Variants in KIF19 observed in about 807,000 individuals in gnomAD.
The protein encoded by KIF19 is kinesin-like protein KIF19.
KIF19 carries 98 observed loss-of-function variants against 106.6 expected under a neutral mutation model. That is an observed-to-expected ratio of 0.92 (90% CI 0.78 to 1.09). The LOEUF (loss-of-function observed/expected upper bound fraction) is 1.09, where lower values mean the gene tolerates loss of function less well. KIF19 is among the 50% of genes least tolerant of loss of function. KIF19 has a pLI of 0.00. For synonymous variants in KIF19, 516 were observed against 584.2 expected (o/e 0.88, Z 1.68); for missense variants, 1,373 against 1,414.3 (o/e 0.97, Z 0.47).
intron 2 of KIF19, among the ~76,000 whole-genome samples, chr17:74,335,553 G>A (rs749567056): frequency 3.9e-5 from 6 of 152,358 alleles, no homozygotes; most frequent in Admixed American, 1.3e-4. Flanking sequence ...CTCCGACTCC[G>A]TCTGGAACTC....
chr17:74,347,511 T>C (rs2054568171), intron 8 of KIF19, among the ~76,000 whole-genome samples: 1 of 146,882 alleles, frequency 6.8e-6, no homozygotes, highest in Non-Finnish European at 1.5e-5. Context: ...CACTCCAGCC[T>C]GGATGACAGA....
At chr17:74,339,728 AC>A (rs1010263566) in intron 2 of KIF19, among the ~76,000 whole-genome samples, 34 of 152,168 alleles carry the variant, frequency 2.2e-4, no homozygotes, top group African/African-American at 7.7e-4. Flanking sequence ...ACAAGCCAGG[AC>A]CCCAGGGAGC....
chr17:74,331,927 T>C lies in KIF19; in HGVS notation c.120+3422T>C, dbSNP rs1359880454. ...CCAGTTGCCTTGGAAGGCCAGTGATTCCAGGACCCCGTTCAATTCCATTAG... is the reference window on the plus strand; with the variant it reads ...CCAGTTGCCTTGGAAGGCCAGTGATCCCAGGACCCCGTTCAATTCCATTAG... On this transcript the variant is annotated intron_variant, in intron 2 of 19. Transcript: ENST00000389916. This position sits in a 1 kb window ranked among gnomAD's most constrained non-coding sequence, Gnocchi z 4.1. 6.6e-6 allele frequency among the ~76,000 whole-genome samples: 1 copy of C among 152,118 alleles called. No individual in the cohort carries two copies. The highest frequency in any genetic ancestry group is 6.5e-5 in the Admixed American group (1 of 15,274).
chr17:74,326,410 C>T (rs2053908582), intron 1 of KIF19, 22 bp downstream of exon 1: 1 of 1,609,870 alleles, frequency 6.2e-7, no homozygotes, highest in Non-Finnish European at 8.5e-7. Flanking sequence ...TTAGACCCTC[C>T]TCCCCACCCC....
At chr17:74,330,474 CAGG>C (rs1351387572) in intron 2 of KIF19, among the ~76,000 whole-genome samples, 4 of 152,170 alleles carry the variant, frequency 2.6e-5, no homozygotes, top group African/African-American at 9.7e-5. Flanking sequence ...CCATAGAGTT[CAGG>C]AGGAGAAACC....
rs763788120 is a variant in KIF19, at chr17:74,352,205, C to G, written c.1859-14C>G. On this transcript the variant is annotated splice_polypyrimidine_tract_variant and intron_variant, in intron 13 of 19. Coordinates refer to ENST00000389916, the MANE Select transcript of KIF19 (RefSeq NM_153209.4). The stretch of plus-strand genomic sequence containing the variant: ...GCCGCTGGCACTCACTGAGCCCTGC[C>G]CCTTCCCCAGCAGACTACAACCTGG... 1.2e-6 allele frequency: 2 copies of G among 1,608,244 alleles called. No individual in the cohort carries two copies. The highest frequency in any genetic ancestry group is 1.1e-5 in the South Asian group (1 of 90,462).
Position 74,354,106 on chromosome 17 carries a change from G to A in KIF19, c.2309-56G>A. 4 of 1,536,168 alleles carry A rather than the reference G, an allele frequency of 2.6e-6. No homozygotes were observed. The South Asian group carries it at 5.0e-5, about 19-fold the overall frequency. Reference sequence around the variant, plus strand: ...TACCCACGTCTGCCATGTCAGAGGAGGGTGTTGAGAGGTGGCCTTGATCTC... The same window carrying A: ...TACCCACGTCTGCCATGTCAGAGGAAGGTGTTGAGAGGTGGCCTTGATCTC... On this transcript the variant is annotated intron_variant, in intron 17 of 19. Coordinates refer to ENST00000389916, the MANE Select transcript of KIF19 (RefSeq NM_153209.4).
Position 74,346,404 on chromosome 17 carries a change from G to A in KIF19, c.804G>A (p.Lys268=), listed in dbSNP as rs2144267395. 5 of 1,576,488 alleles carry A rather than the reference G, an allele frequency of 3.2e-6. No homozygotes were observed. The highest frequency in any genetic ancestry group is 4.3e-6 in the Non-Finnish European group (5 of 1,161,372). The change falls in exon 8 of 20, where the codon AAG becomes AAA. Residue 268 remains lysine, a synonymous_variant. Coordinates refer to ENST00000389916, the MANE Select transcript of KIF19 (RefSeq NM_153209.4). This position sits in a 1 kb window ranked among gnomAD's most constrained non-coding sequence, Gnocchi z 4.6. ...CACAGAATCGTGGGCAGCGTATGAA[G>A]GAGGGGGCCCACATCAACCGCTCAC... ...SQTQNRGQRM[K]EGAHINRSLL... is the part of the protein sequence containing the mutation.
chr17:74,345,454 C>G lies in KIF19; in HGVS notation c.777+499C>G, dbSNP rs1336578992. Among the ~76,000 whole-genome samples, 4 of 152,186 alleles carry G rather than the reference C, an allele frequency of 2.6e-5. 1 individual carries two copies. The highest frequency in any genetic ancestry group is 9.7e-5 in the African/African-American group (4 of 41,438). ...CAAAGAGGAGAAGGTCCCCGTCACC[C>G]ATTTCTGGCAGCATCTTTGTCCCCT... On this transcript the variant is annotated intron_variant, in intron 7 of 19. Coordinates refer to ENST00000389916, the MANE Select transcript of KIF19 (RefSeq NM_153209.4).
At position 74,352,867 on chromosome 17, in the gene KIF19, C is replaced by A. The variant is rs1567922227; in HGVS notation, c.2027C>A (p.Pro676Gln). ...KITPAGTSLT[P>Q]DSDLESVKTL... ...ACCCCAGCAGGAACCTCACTGACCCCAGATTCTGACCTGGAGAGTGTGAAG... is the reference window on the plus strand; with the variant it reads ...ACCCCAGCAGGAACCTCACTGACCCAAGATTCTGACCTGGAGAGTGTGAAG... The change falls in exon 15 of 20, where the codon CCA (proline) becomes CAA (glutamine). Residue 676 changes from proline to glutamine, a missense_variant. By Grantham distance (76) the Pro-to-Gln change is moderately conservative (BLOSUM62 -1). Coordinates refer to ENST00000389916, the MANE Select transcript of KIF19 (RefSeq NM_153209.4). 1 of 1,614,004 alleles carries A rather than the reference C, an allele frequency of 6.2e-7. No individual in the cohort carries two copies.
chr17:74,352,136 C>A lies in KIF19; in HGVS notation c.1857C>A (p.Asp619Glu), dbSNP rs773566303. The A allele has an allele frequency of 3.2e-6, 5 of 1,582,332 alleles. No individual in the cohort carries two copies. Among genetic ancestry groups the A allele is most frequent in the African/African-American group, 1.4e-5 (1 of 73,994 alleles). The change falls in exon 13 of 20, where the codon GAC (aspartate) becomes GAA (glutamate). Residue 619 changes from aspartate to glutamate, a missense_variant and splice_region_variant. Asp to Glu is a conservative substitution (Grantham distance 45). Around this residue, in one of 3 missense-constraint regions of KIF19, gnomAD observed 1,020 missense variants for 1,008.2 expected, o/e 1.01. Coordinates refer to ENST00000389916, the MANE Select transcript of KIF19 (RefSeq NM_153209.4). Reference sequence around the variant, plus strand: ...TCCAGGGCCAGCGGCAGATCATCGACGGTAGGGCCCACGCCCCCGCGCATC... The same window carrying A: ...TCCAGGGCCAGCGGCAGATCATCGAAGGTAGGGCCCACGCCCCCGCGCATC... ...EIIQGQRQII[D>E]DYNLAVPQRL...
chr17:74,339,105 G>A (rs960006472), intron 2 of KIF19, among the ~76,000 whole-genome samples: 3 of 151,850 alleles, frequency 2.0e-5, no homozygotes, highest in East Asian at 1.9e-4. Context: ...AGTTAGGTAG[G>A]GCTAATGCAC....
rs377583738 is a variant in KIF19 at position 74,327,542 on chromosome 17, T to C, written c.40-883T>C. Among the ~76,000 whole-genome samples the C allele has an allele frequency of 3.3e-5, 5 of 152,278 alleles. No individual in the cohort carries two copies. The East Asian group carries it at 9.6e-4, about 29-fold the overall frequency. On this transcript the variant is annotated intron_variant, in intron 1 of 19. Transcript: ENST00000389916. Reference sequence around the variant, plus strand: ...TCTCACCCAGGCTGGAGTGAAGTGGTGCGATCTCAGCTCACTGCCCCTCAA... The same window carrying C: ...TCTCACCCAGGCTGGAGTGAAGTGGCGCGATCTCAGCTCACTGCCCCTCAA...
At chr17:74,347,955 C>G in intron 9 of KIF19, 56 bp downstream of exon 9, 1 of 1,537,900 alleles carries the variant, frequency 6.5e-7, no homozygotes, top group Non-Finnish European at 8.8e-7. Flanking sequence ...AGATTCAAGC[C>G]CCCGGGCTGA....
chr17:74,328,739 C>CTTTCACA (rs2053987766), intron 2 of KIF19: 1 of 463,866 alleles, frequency 2.2e-6, no homozygotes, highest in African/African-American at 2.0e-5. Flanking sequence ...TGGGTGGGCC[C>CTTTCACA]TGATCCTTTA....
At chr17:74,353,329 C>A (rs756803009) in intron 16 of KIF19, 28 bp downstream of exon 16, 2 of 1,532,462 alleles carry the variant, frequency 1.3e-6, no homozygotes, top group Admixed American at 3.9e-5. Context: ...GATGGCCCCA[C>A]GAGCTCCACT....
intron 3 of KIF19, 93 bp downstream of exon 3, chr17:74,342,079 C>T: frequency 2.3e-6 from 2 of 867,514 alleles, no homozygotes; most frequent in Middle Eastern, 2.8e-4. Flanking sequence ...TGCCTTTGAA[C>T]CTCAGCCTCC....
chr17:74,338,910 C>T (rs749237984), intron 2 of KIF19, among the ~76,000 whole-genome samples: 3 of 151,924 alleles, frequency 2.0e-5, no homozygotes, highest in Non-Finnish European at 2.9e-5. Flanking sequence ...ACCCCTCATG[C>T]CTTGTCTGTT....
In KIF19 at chr17:74,344,214, TC is replaced by T; in HGVS notation, c.457-6del. 1 of 1,609,188 alleles carries T rather than the reference TC, an allele frequency of 6.2e-7. No individual in the cohort carries two copies. Among genetic ancestry groups the T allele is most frequent in the East Asian group, 2.2e-5 (1 of 44,554 alleles). On this transcript the variant is annotated splice_region_variant and splice_polypyrimidine_tract_variant and intron_variant, in intron 5 of 19. Transcript: ENST00000389916. Reference sequence around the variant, plus strand: ...CCTTCCCCCACCCCTCCCCCACCTGTCCCGTCAGATCTACAATGAGATGATC... The same window carrying T: ...CCTTCCCCCACCCCTCCCCCACCTGTCCGTCAGATCTACAATGAGATGATC...
Sources: allele counts gnomAD v4.1 joint callset (sites outside exome capture counted in the v4.1 genomes callset), GRCh38; gene constraint gnomAD v4.1.1; regional missense constraint gnomAD v4.1.1; non-coding constraint Gnocchi (gnomAD v3.1); transcripts MANE v1.5; gene names NCBI Gene and HGNC (gene_info 2026-07-23, HGNC 2026-07-21).